Variants in ARHGEF4 observed in about 807,000 individuals in gnomAD.
ARHGEF4 encodes the protein APC-stimulated guanine nucleotide exchange factor 1.
In ARHGEF4, 119 loss-of-function variants were observed where a neutral mutation model predicts 162.0. That is an observed-to-expected ratio of 0.73 (90% confidence interval 0.63 to 0.86). The LOEUF is 0.86. ARHGEF4 is among the 40% of genes least tolerant of loss of function. ARHGEF4 has a pLI of 0.00. For synonymous variants in ARHGEF4, 1,014 were observed against 979.9 expected (o/e 1.03, Z -0.65); for missense variants, 2,488 against 2,456.0 (o/e 1.01, Z -0.28).
Position 130,930,948 on chromosome 2 carries a change from C to G in ARHGEF4, c.3553-4C>G, listed in dbSNP as rs1682594124. 1 of 1,602,628 alleles carries G rather than the reference C, an allele frequency of 6.2e-7. No homozygotes were observed. Among genetic ancestry groups the G allele is most frequent in the African/African-American group, 1.3e-5 (1 of 74,740 alleles). On this transcript the variant is annotated splice_polypyrimidine_tract_variant and splice_region_variant and intron_variant, in intron 2 of 13. Coordinates refer to ENST00000409359, the MANE Select transcript of ARHGEF4 (RefSeq NM_001367493.1). Reference sequence around the variant, plus strand: ...ACCCCTGACCCGTTCTCTCTGCTCTCCAGAACCACATGCCCTGGGAAGAAC... The same window carrying G: ...ACCCCTGACCCGTTCTCTCTGCTCTGCAGAACCACATGCCCTGGGAAGAAC...
intron 2 of ARHGEF4, among the ~76,000 whole-genome samples, chr2:130,926,684 T>G (rs1682306820): frequency 1.3e-5 from 2 of 152,186 alleles, no homozygotes; most frequent in Admixed American, 6.5e-5. Context: ...AGTTAAGATT[T>G]TACAACAAGC....
intron 4 of ARHGEF4, among the ~76,000 whole-genome samples, chr2:131,002,639 G>C (rs1419964942): frequency 6.7e-6 from 1 of 148,310 alleles, no homozygotes; most frequent in Non-Finnish European, 1.5e-5. Flanking sequence ...GAACCCGGGA[G>C]GCGGAGCTTG....
chr2:130,971,263 G>A (rs961216074), intron 4 of ARHGEF4, among the ~76,000 whole-genome samples: 3 of 152,168 alleles, frequency 2.0e-5, no homozygotes, highest in African/African-American at 4.8e-5. Flanking sequence ...GTTCCATGCT[G>A]TAGTTTTAAG....
rs1679650704 is a variant in ARHGEF4, at chr2:130,888,397, G to A, written c.40-25589G>A. 3.3e-5 allele frequency among the ~76,000 whole-genome samples: 5 copies of A among 150,546 alleles called. No homozygotes were observed. The South Asian group carries it at 6.3e-4, about 19-fold the overall frequency. ...GAGGCAGGAGAATCACCTGAACACC[G>A]GAGTTGGTGGTTGCAGTGAACCGAG... On this transcript the variant is annotated intron_variant, in intron 1 of 13. Coordinates refer to ENST00000409359, the MANE Select transcript of ARHGEF4 (RefSeq NM_001367493.1).
rs142629212 is a variant in ARHGEF4 at position 130,843,823 on chromosome 2, T to C, written c.39+6831T>C. Among the ~76,000 whole-genome samples, 320 of 152,324 alleles carry C rather than the reference T, an allele frequency of 2.1e-3. 3 individuals are homozygous for C. The highest frequency in any genetic ancestry group is 7.1e-3 in the African/African-American group (294 of 41,588). ...CCTCGGGAAATGCGCTGAGTCTGTGTGTGGCCAGGTCAGAGCCCCAGGGGG... is the reference window on the plus strand; with the variant it reads ...CCTCGGGAAATGCGCTGAGTCTGTGCGTGGCCAGGTCAGAGCCCCAGGGGG... On this transcript the variant is annotated intron_variant, in intron 1 of 13. Coordinates refer to ENST00000409359, the MANE Select transcript of ARHGEF4 (RefSeq NM_001367493.1).
chr2:130,926,048 CTCTTTCTTTCTT>C (rs370694048), intron 2 of ARHGEF4, among the ~76,000 whole-genome samples: 2 of 53,412 alleles, frequency 3.7e-5, no homozygotes, highest in African/African-American at 1.2e-4. Context: ...TTCTTTCTTT[CTCTTTCTTTCTT>C]TCTTTCTTTC....
chr2:130,933,278 T>C (rs1006878390), intron 3 of ARHGEF4, among the ~76,000 whole-genome samples: 1 of 152,074 alleles, frequency 6.6e-6, no homozygotes, highest in Non-Finnish European at 1.5e-5. Flanking sequence ...CTCAATTCTA[T>C]CCTATTAACT....
In ARHGEF4 at chr2:130,898,993, A is replaced by G. The variant is rs571726370; in HGVS notation, c.40-14993A>G. ...TTCTTGCCCGAGCGTGGAATTCTCT[A>G]TTGTAGCATCAGTTGTGCATGTAGC... On this transcript the variant is annotated intron_variant, in intron 1 of 13. Coordinates refer to ENST00000409359, the MANE Select transcript of ARHGEF4 (RefSeq NM_001367493.1). Among the ~76,000 whole-genome samples the G allele has an allele frequency of 8.5e-5, 13 of 152,098 alleles. 1 individual carries two copies. The East Asian group carries it at 1.7e-3, about 20-fold the overall frequency.
At position 130,917,462 on chromosome 2, in the gene ARHGEF4, C is replaced by T. The variant is rs1252804310; in HGVS notation, c.3516C>T (p.Gly1172=). Residue 1172 remains glycine (G), a synonymous_variant, in exon 2 of 14, where the codon GGC becomes GGT. Transcript: ENST00000409359. ...GAGGCCAGGGTCCGCGCGGCTTGGGCACAGTGCCCTGGCTCAGGGACCTTC... is the reference window on the plus strand; with the variant it reads ...GAGGCCAGGGTCCGCGCGGCTTGGGTACAGTGCCCTGGCTCAGGGACCTTC... ...REGGQGPRGL[G]TVPWLRDLPG... 1.3e-6 allele frequency: 2 copies of T among 1,550,450 alleles called. No individual in the cohort carries two copies. Among genetic ancestry groups the T allele is most frequent in the East Asian group, 2.4e-5 (1 of 40,904 alleles).
intron 4 of ARHGEF4, among the ~76,000 whole-genome samples, chr2:130,984,114 G>A (rs1017820375): frequency 1.3e-5 from 2 of 152,168 alleles, no homozygotes; most frequent in Non-Finnish European, 1.5e-5. Context: ...GTTTTACATG[G>A]TTACACTTCT....
intron 2 of ARHGEF4, chr2:130,929,700 T>C (rs1682505761): frequency 5.9e-6 from 1 of 168,692 alleles, no homozygotes; most frequent in Non-Finnish European, 1.3e-5. Flanking sequence ...ATACCCACTT[T>C]TCTCCAACTG....
rs1157599822 is a variant in ARHGEF4 at position 131,046,423 on chromosome 2, G to A, written c.*234G>A. Reference sequence around the variant, plus strand: ...CAGACCCCGCACTCGCCACACCGCCGCTGCAGCTTGGGCCCCATCCGCCCT... The same window carrying A: ...CAGACCCCGCACTCGCCACACCGCCACTGCAGCTTGGGCCCCATCCGCCCT... On this transcript the variant is annotated 3_prime_UTR_variant, in exon 14 of 14. Transcript: ENST00000409359. The A allele has an allele frequency of 2.0e-5, 11 of 538,660 alleles. No individual in the cohort carries two copies. The highest frequency in any genetic ancestry group is 9.9e-5 in the South Asian group (4 of 40,528). The allele number at this position is 538,660 out of a possible 1,614,324, so 33.4% of individuals were successfully genotyped here.
chr2:130,906,194 ACTT>A (rs1430226247), intron 1 of ARHGEF4, among the ~76,000 whole-genome samples: 1 of 152,100 alleles, frequency 6.6e-6, no homozygotes, highest in African/African-American at 2.4e-5. Flanking sequence ...GGCATCAACC[ACTT>A]CTTCAAGAAG....
chr2:130,855,623 G>A (rs999280237), intron 1 of ARHGEF4, among the ~76,000 whole-genome samples: 2 of 152,126 alleles, frequency 1.3e-5, no homozygotes, highest in East Asian at 3.9e-4. Context: ...ATGCATACTT[G>A]CATGACTGAA....
At chr2:130,958,932 C>CATTT (rs1341106315) in intron 4 of ARHGEF4, among the ~76,000 whole-genome samples, 3 of 150,846 alleles carry the variant, frequency 2.0e-5, no homozygotes, top group Admixed American at 6.6e-5. Context: ...TATCTAGATA[C>CATTT]ATTTCTTTTC....
rs1573513257 is a variant in ARHGEF4, at chr2:130,980,373, G to C, written c.3985+33738G>C. On this transcript the variant is annotated intron_variant, in intron 4 of 13. Transcript: ENST00000409359. Reference sequence around the variant, plus strand: ...ATCATGCCATCCACCCTGTGTGACAGAGTATGACCATGTCTCAAAAAAAAA... The same window carrying C: ...ATCATGCCATCCACCCTGTGTGACACAGTATGACCATGTCTCAAAAAAAAA... Among the ~76,000 whole-genome samples the C allele has an allele frequency of 2.2e-5, 3 of 139,006 alleles. No individual in the cohort carries two copies. The Admixed American group carries it at 2.3e-4, about 11-fold the overall frequency. The allele number at this position is 139,006 out of a possible 152,430, so 91.2% of individuals were successfully genotyped here. A position where few individuals can be genotyped will look rare whatever the true frequency, so the allele number is the denominator to read the frequency against.
intron 4 of ARHGEF4, among the ~76,000 whole-genome samples, chr2:131,025,653 G>A (rs892605235): frequency 3.3e-5 from 5 of 152,030 alleles, no homozygotes; most frequent in African/African-American, 4.8e-5. Flanking sequence ...TTTCCTAAAC[G>A]TCGACATTAC....
In ARHGEF4 at chr2:131,041,216, G is replaced by C. The variant is rs776541125; in HGVS notation, c.4663-14G>C. 4 of 1,609,560 alleles carry C rather than the reference G, an allele frequency of 2.5e-6. No homozygotes were observed. Among genetic ancestry groups the C allele is most frequent in the Admixed American group, 1.7e-5 (1 of 59,762 alleles). ...CAGCAGAGAGCTCTGCTAACCTCCA[G>C]CTGTGCCCCTTAGCAAGCCGACTTC... is the stretch of plus-strand genomic sequence containing the variant. On this transcript the variant is annotated splice_polypyrimidine_tract_variant and intron_variant, in intron 8 of 13. Coordinates refer to ENST00000409359, the MANE Select transcript of ARHGEF4 (RefSeq NM_001367493.1).
At chr2:130,980,994 T>C (rs1248166261) in intron 4 of ARHGEF4, among the ~76,000 whole-genome samples, 39 of 152,228 alleles carry the variant, frequency 2.6e-4, no homozygotes, top group Admixed American at 2.3e-3. Flanking sequence ...ATAAACACCA[T>C]TGAAACATTT....
Sources: gnomAD v4.1 joint callset for allele counts (sites outside exome capture counted in the v4.1 genomes callset) on GRCh38, gnomAD v4.1.1 for gene constraint, MANE v1.5 for transcripts, NCBI Gene and HGNC (gene_info 2026-07-23, HGNC 2026-07-21) for gene names.